Variants in XIRP2 observed in about 807,000 individuals in gnomAD.
XIRP2 encodes the protein xin actin-binding repeat-containing protein 2.
A neutral mutation model predicts 277.0 loss-of-function variants in XIRP2; 236 were observed. That is an observed-to-expected ratio of 0.85 (90% CI 0.77 to 0.95). The LOEUF is 0.95. XIRP2 is among the 40% of genes least tolerant of loss of function. XIRP2 has a pLI of 0.00. For missense variants in XIRP2, 4,640 were observed against 4,157.5 expected (o/e 1.12, Z -3.19); for synonymous variants, 1,490 against 1,416.5 (o/e 1.05, Z -1.17).
intron 2 of XIRP2, among the ~76,000 whole-genome samples, chr2:166,970,742 A>G (rs180678927): frequency 9.8e-4 from 149 of 152,116 alleles, no homozygotes; most frequent in Non-Finnish European, 1.8e-3. Flanking sequence ...CTAAGTTAAC[A>G]TAAATTTATA....
At position 167,250,004 on chromosome 2, in the gene XIRP2, A is replaced by C; in HGVS notation, c.8612A>C (p.Gln2871Pro). 1 of 1,613,654 alleles carries C rather than the reference A, an allele frequency of 6.2e-7. No individual in the cohort carries two copies. The highest frequency in any genetic ancestry group is 2.2e-5 in the East Asian group (1 of 44,820). Residue 2871 changes from glutamine (Q) to proline (P), a missense_variant, in exon 9 of 11, where the codon CAA becomes CCA. Physicochemically the swap from Gln to Pro is moderately conservative, Grantham distance 76. Transcript: ENST00000409195. The part of the protein sequence containing the change: ...HLDSQTQNFQ[Q>P]TQIQTAESKA... Reference sequence around the variant, plus strand: ...GATTCACAGACTCAGAATTTTCAGCAAACACAAATACAGACCGCTGAAAGT... The same window carrying C: ...GATTCACAGACTCAGAATTTTCAGCCAACACAAATACAGACCGCTGAAAGT...
chr2:167,008,791 A>G lies in XIRP2; in HGVS notation c.408+104901A>G, dbSNP rs545815736. On this transcript the variant is annotated intron_variant, in intron 2 of 10. Transcript: ENST00000409195. ...AGCTGTGTTAATGTAATATCCATTC[A>G]AAACTACAAAGAAAAATGGAAATTA... is the stretch of plus-strand genomic sequence containing the variant. Among the ~76,000 whole-genome samples the G allele has an allele frequency of 8.7e-4, 132 of 151,686 alleles. 1 individual carries two copies. Among genetic ancestry groups the G allele is most frequent in the African/African-American group, 2.9e-3 (120 of 41,488 alleles).
chr2:167,185,623 T>C (rs1693133579), intron 3 of XIRP2, among the ~76,000 whole-genome samples: 1 of 152,032 alleles, frequency 6.6e-6, no homozygotes, highest in Non-Finnish European at 1.5e-5. Flanking sequence ...ACCATAAGCA[T>C]CATTAGCAAC....
chr2:167,244,989 C>A lies in XIRP2; in HGVS notation c.3597C>A (p.Ser1199Arg). 1 of 1,613,282 alleles carries A rather than the reference C, an allele frequency of 6.2e-7. No individual in the cohort carries two copies. The highest frequency in any genetic ancestry group is 1.7e-4 in the Middle Eastern group (1 of 6,052). ...EMDIQAGDVS[S>R]MRYKFENQSL... is the part of the protein sequence containing the mutation. ...ATATACAAGCTGGAGATGTTTCCAG[C>A]ATGAGGTATAAATTTGAAAATCAGT... Residue 1199 changes from serine to arginine, a missense_variant, in exon 9 of 11, where the codon AGC (serine) becomes AGA (arginine). Ser to Arg is a moderately radical substitution (Grantham distance 110, BLOSUM62 -1). Transcript: ENST00000409195.
At chr2:167,187,999 C>T (rs1693207328) in intron 3 of XIRP2, among the ~76,000 whole-genome samples, 1 of 152,142 alleles carries the variant, frequency 6.6e-6, no homozygotes, top group African/African-American at 2.4e-5. Context: ...CTTTTTCAGC[C>T]TTACTTTGCT....
rs1184858887 is a variant in XIRP2, at chr2:167,100,411, T to G, written c.409-35498T>G. On this transcript the variant is annotated intron_variant, in intron 2 of 10. Coordinates refer to ENST00000409195, the MANE Select transcript of XIRP2 (RefSeq NM_152381.6). ...AATAATGTAACTATTGCTTAGAGAT[T>G]GCTGAGGCATATGTGATATACTAGC... 2.0e-5 allele frequency among the ~76,000 whole-genome samples: 3 copies of G among 152,196 alleles called. 1 individual carries two copies. The highest frequency in any genetic ancestry group is 2.9e-5 in the Non-Finnish European group (2 of 68,026).
At chr2:167,072,476 G>A (rs999286588) in intron 2 of XIRP2, among the ~76,000 whole-genome samples, 17 of 152,138 alleles carry the variant, frequency 1.1e-4, no homozygotes, top group African/African-American at 2.2e-4. Flanking sequence ...CCCTTGATCC[G>A]CTGGTGTTCT....
rs1175402539 is a variant in XIRP2, at chr2:167,245,724, A to G, written c.4332A>G (p.Ile1444Met). The change falls in exon 9 of 11, where the codon ATA (isoleucine) becomes ATG (methionine). Residue 1444 changes from isoleucine (I) to methionine (M), a missense_variant. Coordinates refer to ENST00000409195, the MANE Select transcript of XIRP2 (RefSeq NM_152381.6). ...TACGAACAGTAAGTGTCAATGAAATACAAAAGGGCAATGTTAAAACATCTA... is the reference window on the plus strand; with the variant it reads ...TACGAACAGTAAGTGTCAATGAAATGCAAAAGGGCAATGTTAAAACATCTA... ...NYIRTVSVNE[I>M]QKGNVKTSTW... 6.2e-7 allele frequency: 1 copy of G among 1,613,712 alleles called. No homozygotes were observed. The highest frequency in any genetic ancestry group is 8.5e-7 in the Non-Finnish European group (1 of 1,179,750).
At chr2:166,906,254 A>G (rs1684520869) in intron 2 of XIRP2, among the ~76,000 whole-genome samples, 1 of 152,054 alleles carries the variant, frequency 6.6e-6, no homozygotes, top group Non-Finnish European at 1.5e-5. Flanking sequence ...AGTAGTAGGC[A>G]CTTGGTTTAT....
intron 2 of XIRP2, among the ~76,000 whole-genome samples, chr2:167,036,657 C>T (rs750986899): frequency 2.2e-4 from 34 of 152,066 alleles, no homozygotes; most frequent in Admixed American, 7.2e-4. Context: ...GTTAAGACTT[C>T]GGGGGAGTGT....
chr2:167,145,319 A>G (rs907285392), intron 3 of XIRP2, among the ~76,000 whole-genome samples: 1 of 152,158 alleles, frequency 6.6e-6, no homozygotes, highest in Non-Finnish European at 1.5e-5. Context: ...TTTCCCCACC[A>G]AATGGAAGGG....
chr2:167,099,795 T>C (rs111376199), intron 2 of XIRP2, among the ~76,000 whole-genome samples: 32 of 152,178 alleles, frequency 2.1e-4, no homozygotes, highest in Admixed American at 1.9e-3. Flanking sequence ...CCGGGTGAGA[T>C]AACACCTTAC....
intron 3 of XIRP2, among the ~76,000 whole-genome samples, chr2:167,181,853 G>T (rs1278478084): frequency 6.6e-6 from 1 of 152,116 alleles, no homozygotes; most frequent in African/African-American, 2.4e-5. Context: ...AGTCAAGACG[G>T]TCCACATTTG....
chr2:166,977,683 A>G (rs1323656359), intron 2 of XIRP2, among the ~76,000 whole-genome samples: 1 of 152,208 alleles, frequency 6.6e-6, no homozygotes, highest in Non-Finnish European at 1.5e-5. Context: ...CTGAGGCATT[A>G]GAGTTCAGGC....
At chr2:167,023,802 T>A (rs907417237) in intron 2 of XIRP2, among the ~76,000 whole-genome samples, 1 of 152,170 alleles carries the variant, frequency 6.6e-6, no homozygotes, top group African/African-American at 2.4e-5. Flanking sequence ...TCTGTTCTGT[T>A]CCATTGATCT....
At chr2:167,191,740 T>C (rs550330777) in intron 3 of XIRP2, among the ~76,000 whole-genome samples, 89 of 152,322 alleles carry the variant, frequency 5.8e-4, no homozygotes, top group African/African-American at 2.0e-3. Flanking sequence ...CTACTCTTTT[T>C]TTGGCAGGCC....
chr2:167,241,893 C>T lies in XIRP2; in HGVS notation c.1159C>T (p.Pro387Ser), dbSNP rs1433786187. Reference protein sequence around the residue: ...ILYSDKEMTTPAKQIKTESEY... With the variant: ...ILYSDKEMTTSAKQIKTESEY... ...TTATTCTGACAAAGAGATGACAACCCCAGCCAAGCAGATTAAGGTAAAGTC... is the reference window on the plus strand; with the variant it reads ...TTATTCTGACAAAGAGATGACAACCTCAGCCAAGCAGATTAAGGTAAAGTC... The change falls in exon 8 of 11, where the codon CCA becomes TCA. Residue 387 changes from proline (P) to serine (S), a missense_variant. Coordinates refer to ENST00000409195, the MANE Select transcript of XIRP2 (RefSeq NM_152381.6). The T allele has an allele frequency of 6.2e-7, 1 of 1,612,070 alleles. No homozygotes were observed. Among genetic ancestry groups the T allele is most frequent in the African/African-American group, 1.3e-5 (1 of 74,716 alleles).
At chr2:167,240,894 T>G (rs78066423) in intron 7 of XIRP2, among the ~76,000 whole-genome samples, 158 bp downstream of exon 7, 2,977 of 152,296 alleles carry the variant, frequency 0.02, 44 homozygotes, top group South Asian at 0.062. Context: ...CTACAAATAA[T>G]TAGATTTTGC....
rs1471451200 is a variant in XIRP2, at chr2:167,250,494, G to C, written c.9102G>C (p.Met3034Ile). Residue 3034 changes from methionine to isoleucine, a missense_variant, in exon 9 of 11, where the codon ATG becomes ATC. Transcript: ENST00000409195. ...ATGAAAATATAATTCAGACAGCCATGATGTCCTCCAAAACAGGAAAACCGG... is the reference window on the plus strand; with the variant it reads ...ATGAAAATATAATTCAGACAGCCATCATGTCCTCCAAAACAGGAAAACCGG... ...VSYENIIQTA[M>I]MSSKTGKPGN... 9.3e-6 allele frequency: 15 copies of C among 1,613,558 alleles called. No individual in the cohort carries two copies. Among genetic ancestry groups the C allele is most frequent in the Middle Eastern group, 1.7e-4 (1 of 6,056 alleles).
Sources: gnomAD v4.1 joint callset for allele counts (sites outside exome capture counted in the v4.1 genomes callset) on GRCh38, gnomAD v4.1.1 for gene constraint, MANE v1.5 for transcripts, NCBI Gene and HGNC (gene_info 2026-07-23, HGNC 2026-07-21) for gene names.